Variants in BCAR1 observed in about 807,000 individuals in gnomAD.
BCAR1 encodes the protein breast cancer anti-estrogen resistance protein 1.
Under a neutral mutation model 67.6 loss-of-function variants are expected in BCAR1, and 30 were observed. That is an observed-to-expected ratio of 0.44 (90% CI 0.33 to 0.60). The LOEUF (loss-of-function observed/expected upper bound fraction) is 0.60. BCAR1 is among the 20% of genes least tolerant of loss of function. The probability of loss-of-function intolerance (pLI) is 0.02; values close to 1 mark genes in which losing one functional copy is unlikely to be tolerated. For missense variants in BCAR1, 1,313 were observed against 1,222.3 expected (o/e 1.07, Z -1.11); for synonymous variants, 626 against 556.7 (o/e 1.12, Z -1.75).
chr16:75,251,066 C>A, intron 1 of BCAR1: 1 of 813,040 alleles, frequency 1.2e-6, no homozygotes, highest in Non-Finnish European at 1.5e-6. Context: ...GTCCCCACGC[C>A]ACACCAGCCG....
chr16:75,261,370 C>T (rs905523254), intron 1 of BCAR1, among the ~76,000 whole-genome samples: 6 of 152,212 alleles, frequency 3.9e-5, no homozygotes, highest in African/African-American at 1.4e-4. Flanking sequence ...CAGGTATCAC[C>T]CAGGCCCCCC....
intron 1 of BCAR1, chr16:75,266,784 A>T (rs1421690796): frequency 4.2e-6 from 6 of 1,440,496 alleles, no homozygotes; most frequent in Non-Finnish European, 5.5e-6. Flanking sequence ...GAGCATCTAG[A>T]GCAAGTGGGG....
chr16:75,238,310 C>T (rs1394848876), intron 2 of BCAR1: 2 of 1,143,594 alleles, frequency 1.7e-6, no homozygotes, highest in Non-Finnish European at 2.2e-6. Context: ...GCCCACACGC[C>T]TCCACCACCA....
chr16:75,229,768 T>C lies in BCAR1; in HGVS notation c.2356A>G (p.Ile786Val), dbSNP rs1334136207. The change falls in exon 7 of 7, where the codon ATC becomes GTC. Residue 786 changes from isoleucine to valine, a missense_variant. Around this residue, in one of 2 missense-constraint regions of BCAR1, gnomAD observed 1,272 missense variants for 1,137.5 expected, o/e 1.12. Coordinates refer to ENST00000162330, the MANE Select transcript of BCAR1 (RefSeq NM_014567.5). ...KIFVAHSKFVILSAHKLVFIG... is the reference protein window; with the variant it reads ...KIFVAHSKFVVLSAHKLVFIG... ...AACACCAGCTTGTGGGCGCTGAGGA[T>C]GACGAACTTGCTGTGCGCCACAAAG... 1.1e-5 allele frequency: 18 copies of C among 1,613,356 alleles called. No homozygotes were observed. The highest frequency in any genetic ancestry group is 1.4e-5 in the Non-Finnish European group (17 of 1,180,000).
At chr16:75,251,954 G>A, upstream of BCAR1, 2 of 573,210 alleles carry the variant, frequency 3.5e-6, no homozygotes, top group African/African-American at 1.9e-5. Flanking sequence ...AAGGCTGCCC[G>A]GTTTGCCTTC....
chr16:75,236,016 C>T lies in BCAR1; in HGVS notation c.913-30G>A, dbSNP rs1459607811. On this transcript the variant is annotated intron_variant, in intron 4 of 6. Transcript: ENST00000162330. ...GGGACAAGCGGTGGTCAAGACTGTC[C>T]ATCTGTCCATCTGCCCACCCCAGGG... 3.9e-6 allele frequency: 6 copies of T among 1,539,566 alleles called. No individual in the cohort carries two copies. The African/African-American group carries it at 4.1e-5, about 11-fold the overall frequency.
chr16:75,232,386 G>T (rs967360751), intron 6 of BCAR1, among the ~76,000 whole-genome samples: 1 of 151,948 alleles, frequency 6.6e-6, no homozygotes, highest in African/African-American at 2.4e-5. Context: ...TCTCAAACTC[G>T]TGACCTCAAG....
intron 1 of BCAR1, chr16:75,250,835 A>C: frequency 1.0e-6 from 1 of 985,492 alleles, no homozygotes; most frequent in Non-Finnish European, 1.2e-6. Flanking sequence ...TCCTGTGGCC[A>C]GGACCCGGCT....
chr16:75,236,852 G>A, intron 4 of BCAR1, 30 bp downstream of exon 4: 1 of 1,606,768 alleles, frequency 6.2e-7, no homozygotes, highest in East Asian at 2.2e-5. Flanking sequence ...GCCTCAGCCT[G>A]GCCCTGGCAT....
At chr16:75,256,510 C>T (rs532775323), upstream of BCAR1, among the ~76,000 whole-genome samples, 347 of 129,246 alleles carry the variant, frequency 2.7e-3, 1 homozygote, top group Middle Eastern at 7.6e-3. Context: ...GGACACAGCA[C>T]GGATGGGGGG....
chr16:75,244,631 T>C (rs766353560), intron 1 of BCAR1, among the ~76,000 whole-genome samples: 20 of 152,180 alleles, frequency 1.3e-4, no homozygotes, highest in Admixed American at 3.3e-4. Flanking sequence ...GGGAGCCCAT[T>C]TCTCCAGAGC....
intron 1 of BCAR1, chr16:75,264,547 C>T: frequency 7.3e-7 from 1 of 1,376,408 alleles, no homozygotes. Flanking sequence ...TGCTCTGAAC[C>T]AGAACGGATG....
intron 6 of BCAR1, among the ~76,000 whole-genome samples, chr16:75,232,475 G>A (rs1279411753): frequency 6.6e-6 from 1 of 152,086 alleles, no homozygotes; most frequent in East Asian, 1.9e-4. Flanking sequence ...TTGTATTAAT[G>A]TATACAGACT....
intron 1 of BCAR1, among the ~76,000 whole-genome samples, chr16:75,259,850 TAAAAAAAAAAAAA>T (rs144448216): frequency 0.021 from 1,509 of 73,492 alleles, 30 homozygotes; most frequent in African/African-American, 0.067. Context: ...AGACTCCATC[TAAAAAAAAAAAAA>T]AAAAAAAAAA....
intron 1 of BCAR1, chr16:75,265,850 C>A: frequency 8.5e-7 from 1 of 1,171,490 alleles, no homozygotes; most frequent in South Asian, 4.2e-5. Flanking sequence ...GGCCGCCGCC[C>A]CCGGGGCCTG....
intron 1 of BCAR1, among the ~76,000 whole-genome samples, chr16:75,257,694 C>T (rs755186906): frequency 2.0e-5 from 3 of 152,160 alleles, no homozygotes; most frequent in East Asian, 1.9e-4. Context: ...GGGGCTCAAG[C>T]GATCCTCCCG....
At position 75,235,233 on chromosome 16, in the gene BCAR1, C is replaced by G; in HGVS notation, c.1666G>C (p.Val556Leu). ...GCGTCGAGGGCCTGACCATGTGCCACCAGCGTCTGGTGCACGTCCTCCATC... is the reference window on the plus strand; with the variant it reads ...GCGTCGAGGGCCTGACCATGTGCCAGCAGCGTCTGGTGCACGTCCTCCATC... Reference protein sequence around the residue: ...QKMEDVHQTLVAHGQALDAGR... With the variant: ...QKMEDVHQTLLAHGQALDAGR... Residue 556 changes from valine to leucine, a missense_variant, in exon 5 of 7, where the codon GTG (valine) becomes CTG (leucine). By Grantham distance (32) the Val-to-Leu change is conservative. Coordinates refer to ENST00000162330, the MANE Select transcript of BCAR1 (RefSeq NM_014567.5). 6.2e-7 allele frequency: 1 copy of G among 1,607,114 alleles called. No individual in the cohort carries two copies.
chr16:75,246,812 C>T (rs1054924842), intron 1 of BCAR1: 2 of 152,488 alleles, frequency 1.3e-5, no homozygotes. Context: ...CTCCCCAAGC[C>T]TACTTTCCTG....
chr16:75,237,145 C>G, intron 3 of BCAR1, 38 bp downstream of exon 3: 2 of 1,491,834 alleles, frequency 1.3e-6, no homozygotes, highest in Non-Finnish European at 8.9e-7. Flanking sequence ...CACAGACTTG[C>G]CGCCCTGCCC....
Sources: allele counts gnomAD v4.1 joint callset (sites outside exome capture counted in the v4.1 genomes callset), GRCh38; gene constraint gnomAD v4.1.1; regional missense constraint gnomAD v4.1.1; transcripts MANE v1.5; gene names NCBI Gene and HGNC (gene_info 2026-07-23, HGNC 2026-07-21).